Variants in FNDC3B observed in about 807,000 individuals in gnomAD.
FNDC3B encodes fibronectin type III domain containing 3B.
Under a neutral mutation model 151.5 loss-of-function variants are expected in FNDC3B, and 12 were observed. The observed-to-expected ratio is 0.08, with a 90% confidence interval of 0.05 to 0.13. The LOEUF (loss-of-function observed/expected upper bound fraction) is 0.13, where lower values mean the gene tolerates loss of function less well. FNDC3B is among the 10% of genes least tolerant of loss of function. The pLI is 1.00. For synonymous variants in FNDC3B, 528 were observed against 549.0 expected, an observed-to-expected ratio of 0.96 and a Z score of 0.54; for missense variants, 1,214 against 1,505.3, an observed-to-expected ratio of 0.81 and a Z score of 3.20.
In FNDC3B at chr3:172,183,528, C is replaced by A. The variant is rs575346190; in HGVS notation, c.188-43343C>A. Reference sequence around the variant, plus strand: ...ACAGTTAAGTTGCTTACTGGTCTTACTGCTGGTTTGCTTTATAAGAAAATT... The same window carrying A: ...ACAGTTAAGTTGCTTACTGGTCTTAATGCTGGTTTGCTTTATAAGAAAATT... On this transcript the variant is annotated intron_variant, in intron 3 of 25. Transcript: ENST00000415807. Among the ~76,000 whole-genome samples, 9 of 152,292 alleles carry A rather than the reference C, an allele frequency of 5.9e-5. No homozygotes were observed. In the East Asian group the frequency reaches 1.7e-3, roughly 29 times the overall value.
intron 1 of FNDC3B, among the ~76,000 whole-genome samples, chr3:172,057,801 C>G (rs917189472): frequency 4.0e-5 from 6 of 151,338 alleles, no homozygotes; most frequent in Non-Finnish European, 7.4e-5. Flanking sequence ...TAATGACAAT[C>G]CCATTATTTC....
chr3:172,212,229 GTT>G (rs1725766286), intron 3 of FNDC3B, among the ~76,000 whole-genome samples: 1 of 152,202 alleles, frequency 6.6e-6, no homozygotes, highest in Admixed American at 6.5e-5. Flanking sequence ...ATAGGATAAA[GTT>G]TATGGAACTC....
chr3:172,387,559 C>A (rs1735782174), intron 25 of FNDC3B, among the ~76,000 whole-genome samples: 1 of 152,136 alleles, frequency 6.6e-6, no homozygotes, highest in Non-Finnish European at 1.5e-5. Flanking sequence ...TCTTTAAAAA[C>A]CATCGTTTAT....
At chr3:172,101,704 G>A (rs1459895503) in intron 1 of FNDC3B, among the ~76,000 whole-genome samples, 1 of 152,024 alleles carries the variant, frequency 6.6e-6, no homozygotes, top group East Asian at 1.9e-4. Flanking sequence ...GCTGCCCTTT[G>A]GAAATAATTT....
intron 4 of FNDC3B, among the ~76,000 whole-genome samples, chr3:172,244,356 C>T (rs62281806): frequency 0.15 from 23,138 of 151,956 alleles, 1,935 homozygotes; most frequent in African/African-American, 0.23. Context: ...TGTCTAAATT[C>T]GACTACAGTA....
intron 1 of FNDC3B, among the ~76,000 whole-genome samples, chr3:172,041,868 T>C (rs950958033): frequency 6.6e-6 from 1 of 152,052 alleles, no homozygotes; most frequent in Non-Finnish European, 1.5e-5. Context: ...GAGCAGCTGT[T>C]AACGAGGATA....
intron 8 of FNDC3B, among the ~76,000 whole-genome samples, chr3:172,297,692 T>G (rs1457709300): frequency 6.6e-6 from 1 of 152,072 alleles, no homozygotes; most frequent in South Asian, 2.1e-4. Flanking sequence ...GCCAGGATGG[T>G]CTCGATCTCC....
intron 25 of FNDC3B, among the ~76,000 whole-genome samples, chr3:172,389,820 C>G (rs1225475093): frequency 4.6e-5 from 7 of 152,068 alleles, no homozygotes; most frequent in African/African-American, 1.7e-4. Context: ...GAGCCAAGAT[C>G]AAGCCACTGC....
chr3:172,086,142 CT>C (rs1156791340), intron 1 of FNDC3B, among the ~76,000 whole-genome samples: 19 of 152,150 alleles, frequency 1.2e-4, no homozygotes, highest in African/African-American at 4.3e-4. Context: ...AGGAGGATCA[CT>C]TGAGGCCAGA....
At chr3:172,200,207 C>T (rs1194934117) in intron 3 of FNDC3B, among the ~76,000 whole-genome samples, 1 of 152,180 alleles carries the variant, frequency 6.6e-6, no homozygotes, top group African/African-American at 2.4e-5. Context: ...ACCTAATGTG[C>T]ACATCTTTCA....
At chr3:172,267,822 A>G (rs1729003189) in intron 6 of FNDC3B, among the ~76,000 whole-genome samples, 1 of 152,248 alleles carries the variant, frequency 6.6e-6, no homozygotes, top group African/African-American at 2.4e-5. Flanking sequence ...CCTCAGGGAA[A>G]TTACATAAAG....
chr3:172,161,940 T>A (rs1722793637), intron 3 of FNDC3B, among the ~76,000 whole-genome samples: 1 of 151,750 alleles, frequency 6.6e-6, no homozygotes, highest in Admixed American at 6.6e-5. Flanking sequence ...TGGAATCATA[T>A]AGTATGTGGT....
intron 22 of FNDC3B, among the ~76,000 whole-genome samples, chr3:172,356,529 G>C (rs1734103522): frequency 6.6e-6 from 1 of 152,124 alleles, no homozygotes; most frequent in African/African-American, 2.4e-5. Context: ...TATCCTTCAA[G>C]GTTTTTTTGC....
chr3:172,166,911 T>C (rs1480293655), intron 3 of FNDC3B, among the ~76,000 whole-genome samples: 1 of 152,110 alleles, frequency 6.6e-6, no homozygotes, highest in African/African-American at 2.4e-5. Context: ...AAAGAAAATA[T>C]TGTTGTCATT....
At chr3:172,323,944 TC>T (rs777524326) in intron 11 of FNDC3B, among the ~76,000 whole-genome samples, 3 of 151,980 alleles carry the variant, frequency 2.0e-5, no homozygotes, top group African/African-American at 4.8e-5. Context: ...GGCTGGGACT[TC>T]CCCCCAAAGG....
intron 3 of FNDC3B, among the ~76,000 whole-genome samples, chr3:172,209,749 A>G (rs1488844020): frequency 6.6e-6 from 1 of 152,120 alleles, no homozygotes; most frequent in East Asian, 1.9e-4. Context: ...CTTCCTGCCT[A>G]GGAAACTGTC....
At chr3:172,097,529 C>T (rs1465413074) in intron 1 of FNDC3B, among the ~76,000 whole-genome samples, 1 of 152,120 alleles carries the variant, frequency 6.6e-6, no homozygotes, top group East Asian at 1.9e-4. Context: ...AAAAAGTTAA[C>T]TTATATCATT....
At chr3:172,242,171 C>T (rs1209795393) in intron 4 of FNDC3B, among the ~76,000 whole-genome samples, 1 of 152,196 alleles carries the variant, frequency 6.6e-6, no homozygotes, top group Non-Finnish European at 1.5e-5. Context: ...CAGCTCTGCC[C>T]CTGTGGCTTT....
At chr3:172,064,013 C>T (rs1015371024) in intron 1 of FNDC3B, among the ~76,000 whole-genome samples, 1 of 151,986 alleles carries the variant, frequency 6.6e-6, no homozygotes, top group Non-Finnish European at 1.5e-5. Context: ...TGTGGTGGTG[C>T]GAATCTATAG....
Sources: allele counts gnomAD v4.1 joint callset (sites outside exome capture counted in the v4.1 genomes callset), GRCh38; gene constraint gnomAD v4.1.1; transcripts MANE v1.5; gene names NCBI Gene and HGNC (gene_info 2026-07-23, HGNC 2026-07-21).